Variants in RELCH observed in about 807,000 individuals in gnomAD.
RELCH encodes RAB11 binding and LisH domain, coiled-coil and HEAT repeat containing, also known as RAB11-binding protein RELCH.
A neutral mutation model predicts 150.3 loss-of-function variants in RELCH; 41 were observed. The observed-to-expected ratio is 0.27, with a 90% CI of 0.21 to 0.35. RELCH has a LOEUF of 0.35. Ranked by LOEUF, RELCH falls within the 10% of genes least tolerant of loss-of-function variation. The pLI, the probability that RELCH is intolerant of heterozygous loss-of-function variation, is 1.00. For missense variants in RELCH, 1,092 were observed against 1,467.8 expected, an observed-to-expected ratio of 0.74 and a Z score of 4.18; for synonymous variants, 478 against 531.8, an observed-to-expected ratio of 0.90 and a Z score of 1.39.
chr18:62,201,751 A>G (rs568606217), intron 1 of RELCH, among the ~76,000 whole-genome samples: 2 of 152,310 alleles, frequency 1.3e-5, no homozygotes, highest in South Asian at 4.1e-4. Flanking sequence ...GTCCTTTAAA[A>G]AAATTATTTT....
chr18:62,240,707 T>C (rs918318910), intron 10 of RELCH, among the ~76,000 whole-genome samples: 2 of 152,200 alleles, frequency 1.3e-5, no homozygotes, highest in Non-Finnish European at 2.9e-5. Flanking sequence ...GATTTTTCTC[T>C]TTAATGATCA....
chr18:62,191,162 T>G (rs1186760125), intron 1 of RELCH, among the ~76,000 whole-genome samples: 1 of 152,234 alleles, frequency 6.6e-6, no homozygotes, highest in African/African-American at 2.4e-5. Context: ...CATTTACGTC[T>G]TTATGAGAAA....
chr18:62,278,585 CTG>C (rs909496737), intron 22 of RELCH, among the ~76,000 whole-genome samples: 3 of 152,026 alleles, frequency 2.0e-5, no homozygotes, highest in African/African-American at 7.2e-5. Flanking sequence ...ACAAAAAATT[CTG>C]TGACATCTTT....
intron 1 of RELCH, among the ~76,000 whole-genome samples, chr18:62,202,345 A>T (rs1289249286): frequency 6.6e-6 from 1 of 152,180 alleles, no homozygotes; most frequent in Non-Finnish European, 1.5e-5. Flanking sequence ...CTTTAATATA[A>T]CCTGTTACTA....
chr18:62,289,014 C>T (rs2044969281), intron 26 of RELCH, among the ~76,000 whole-genome samples: 2 of 152,028 alleles, frequency 1.3e-5, no homozygotes, highest in African/African-American at 4.8e-5. Flanking sequence ...GAATATGCCT[C>T]AAGGAAAATG....
chr18:62,257,091 TTTATTTTATCGTAG>T (rs1174798135), intron 13 of RELCH, among the ~76,000 whole-genome samples: 1 of 152,104 alleles, frequency 6.6e-6, no homozygotes, highest in Non-Finnish European at 1.5e-5. Context: ...TGCCTTTATT[TTTATTTTATCGTAG>T]TTATTGTATG....
intron 22 of RELCH, among the ~76,000 whole-genome samples, chr18:62,276,947 A>T (rs994366407): frequency 2.0e-5 from 3 of 152,142 alleles, no homozygotes; most frequent in Non-Finnish European, 2.9e-5. Flanking sequence ...AAAGTCATTC[A>T]TCAGTCTCTC....
intron 1 of RELCH, among the ~76,000 whole-genome samples, chr18:62,203,690 A>G (rs908636993): frequency 2.6e-5 from 4 of 152,116 alleles, no homozygotes; most frequent in Non-Finnish European, 5.9e-5. Flanking sequence ...ATTTCTCACT[A>G]TATAAGCTTC....
intron 1 of RELCH, among the ~76,000 whole-genome samples, chr18:62,201,672 G>A (rs1321984241): frequency 6.6e-6 from 1 of 152,042 alleles, no homozygotes; most frequent in African/African-American, 2.4e-5. Context: ...ATGTATTGTG[G>A]ATGTTTACAA....
At chr18:62,198,639 T>C (rs2039213506) in intron 1 of RELCH, among the ~76,000 whole-genome samples, 1 of 152,186 alleles carries the variant, frequency 6.6e-6, no homozygotes, top group Non-Finnish European at 1.5e-5. Flanking sequence ...GTTTTAGTCT[T>C]ATCCTATAGC....
chr18:62,308,909 C>T lies in RELCH; in HGVS notation c.*3375C>T, dbSNP rs2145204078. On this transcript the variant is annotated 3_prime_UTR_variant, in exon 29 of 29. Coordinates refer to ENST00000644646, the MANE Select transcript of RELCH (RefSeq NM_001346231.2). ...AGTTCTACTGTAACTTTACAGTGTG[C>T]TTAGTTTTGATACTATTTTTTTCAG... 1 of 152,104 alleles carries T rather than the reference C, an allele frequency of 6.6e-6. No homozygotes were observed. The highest frequency in any genetic ancestry group is 1.9e-4 in the East Asian group (1 of 5,170). 9.4% of individuals were successfully genotyped at this position (152,104 alleles called of 1,614,324 possible). A position where few individuals can be genotyped will look rare whatever the true frequency, so the allele number is the denominator to read the frequency against.
At chr18:62,200,119 T>C (rs367940203) in intron 1 of RELCH, among the ~76,000 whole-genome samples, 5 of 152,216 alleles carry the variant, frequency 3.3e-5, no homozygotes, top group South Asian at 4.1e-4. Context: ...ATCTTGACTT[T>C]GAAGTTCCAC....
chr18:62,229,359 T>A (rs546341154), intron 8 of RELCH, among the ~76,000 whole-genome samples: 11 of 152,120 alleles, frequency 7.2e-5, no homozygotes, highest in Non-Finnish European at 1.6e-4. Flanking sequence ...ACTATGAGCA[T>A]ATAATAGAAA....
At chr18:62,224,317 A>G (rs1328327177) in intron 5 of RELCH, among the ~76,000 whole-genome samples, 1 of 151,864 alleles carries the variant, frequency 6.6e-6, no homozygotes, top group East Asian at 1.9e-4. Flanking sequence ...TTACGGCTGC[A>G]TAGTATCCCA....
At chr18:62,220,731 TTTTA>T (rs1167053051) in intron 2 of RELCH, 1 of 308,140 alleles carries the variant, frequency 3.2e-6, no homozygotes, top group African/African-American at 2.3e-5. Context: ...TTATTAATAT[TTTTA>T]TTTATCTAAA....
intron 2 of RELCH, among the ~76,000 whole-genome samples, chr18:62,216,107 T>C (rs1259454516): frequency 6.6e-6 from 1 of 152,122 alleles, no homozygotes; most frequent in Non-Finnish European, 1.5e-5. Flanking sequence ...CCTCTTCAAT[T>C]TTCTAGTTTT....
rs76249667 is a variant in RELCH, at chr18:62,302,873, G to A, written c.3531-2541G>A. On this transcript the variant is annotated intron_variant, in intron 28 of 28. Transcript: ENST00000644646. ...AAAAGAGATAAGTAATATAGGACAT[G>A]AATAGTTTTAAAGAAGATAGGGATA... is the stretch of plus-strand genomic sequence containing the variant. Among the ~76,000 whole-genome samples the A allele has an allele frequency of 8.0e-3, 1,219 of 152,208 alleles. 20 individuals are homozygous for A. Among genetic ancestry groups the A allele is most frequent in the African/African-American group, 0.028 (1,166 of 41,522 alleles).
At chr18:62,190,741 G>T (rs919669119) in intron 1 of RELCH, among the ~76,000 whole-genome samples, 33 of 152,042 alleles carry the variant, frequency 2.2e-4, no homozygotes, top group African/African-American at 8.0e-4. Context: ...TTTGGGCCTG[G>T]TAATGCTTTG....
intron 22 of RELCH, among the ~76,000 whole-genome samples, chr18:62,277,085 G>T (rs1381870373): frequency 6.6e-6 from 1 of 152,012 alleles, no homozygotes; most frequent in Non-Finnish European, 1.5e-5. Flanking sequence ...TCTCTAAAAT[G>T]TGAGTGTGCA....
Sources: gnomAD v4.1 joint callset for allele counts (sites outside exome capture counted in the v4.1 genomes callset) on GRCh38, gnomAD v4.1.1 for gene constraint, MANE v1.5 for transcripts, NCBI Gene and HGNC (gene_info 2026-07-23, HGNC 2026-07-21) for gene names.